RAB38: variants seen among roughly 807,000 people sequenced by gnomAD.
RAB38 encodes ras-related protein Rab-38.
RAB38 carries 15 observed loss-of-function variants against 18.4 expected under a neutral mutation model. The observed-to-expected ratio is 0.82, with a 90% CI of 0.55 to 1.26. The LOEUF (loss-of-function observed/expected upper bound fraction) is 1.26. RAB38 is among the 50% of genes most tolerant of loss of function. RAB38 has a pLI of 0.00. For synonymous variants in RAB38, 101 were observed against 104.4 expected, an observed-to-expected ratio of 0.97 and a Z score of 0.20; for missense variants, 294 against 267.4, an observed-to-expected ratio of 1.10 and a Z score of -0.69.
intron 2 of RAB38, among the ~76,000 whole-genome samples, chr11:88,139,161 A>C (rs1426246446): frequency 6.6e-6 from 1 of 152,176 alleles, no homozygotes; most frequent in African/African-American, 2.4e-5. Flanking sequence ...GTAACTCTGC[A>C]GTAACAACAT....
chr11:88,110,769 G>A (rs1289262957), downstream of RAB38, among the ~76,000 whole-genome samples: 2 of 147,982 alleles, frequency 1.4e-5, no homozygotes, highest in African/African-American at 5.0e-5. Context: ...GTGAGCTATC[G>A]CACCACTGCA....
chr11:88,021,600 A>G, the RAB38 span, among the ~76,000 whole-genome samples: 1 of 148,460 alleles, frequency 6.7e-6, no homozygotes, highest in South Asian at 2.2e-4. Context: ...TTATTTATTT[A>G]TTTATTTTGA....
chr11:88,142,073 G>A (rs1942922257), intron 2 of RAB38, among the ~76,000 whole-genome samples: 1 of 151,852 alleles, frequency 6.6e-6, no homozygotes, highest in East Asian at 1.9e-4. Context: ...CTGAGTGACT[G>A]CATCCTTCTG....
chr11:88,070,603 G>T, the RAB38 span, among the ~76,000 whole-genome samples: 1 of 152,202 alleles, frequency 6.6e-6, no homozygotes, highest in South Asian at 2.1e-4. Context: ...ATGTGAGAAA[G>T]AGAAAATGCT....
At chr11:87,941,640 T>A in the RAB38 span, among the ~76,000 whole-genome samples, 1 of 152,144 alleles carries the variant, frequency 6.6e-6, no homozygotes, top group African/African-American at 2.4e-5. Context: ...AAGAAAGGCA[T>A]GGACACTTCT....
the RAB38 span, among the ~76,000 whole-genome samples, chr11:87,922,782 TAAGAA>T: frequency 6.8e-6 from 1 of 147,274 alleles, no homozygotes; most frequent in Non-Finnish European, 1.5e-5. Flanking sequence ...ATAAAATAAA[TAAGAA>T]AGGAGGAAAG....
At chr11:88,027,150 T>C in the RAB38 span, among the ~76,000 whole-genome samples, 1 of 152,216 alleles carries the variant, frequency 6.6e-6, no homozygotes, top group Non-Finnish European at 1.5e-5. Context: ...TTTCTATTTC[T>C]AGTTTTCTGA....
chr11:87,971,683 C>T, the RAB38 span, among the ~76,000 whole-genome samples: 20 of 152,212 alleles, frequency 1.3e-4, no homozygotes, highest in African/African-American at 4.8e-4. Flanking sequence ...TAGACAGAGG[C>T]ATAACCAGGT....
the RAB38 span, among the ~76,000 whole-genome samples, chr11:88,033,725 C>T: frequency 1.1e-4 from 11 of 101,116 alleles, no homozygotes; most frequent in South Asian, 3.8e-4. Context: ...GTTGTGTTGC[C>T]TTTTTTTTTT....
the RAB38 span, among the ~76,000 whole-genome samples, chr11:87,910,413 T>A: frequency 6.6e-6 from 1 of 152,092 alleles, no homozygotes; most frequent in African/African-American, 2.4e-5. Flanking sequence ...CTGCCTTTTT[T>A]TTCATTCTTT....
chr11:88,096,698 A>G, the RAB38 span, among the ~76,000 whole-genome samples: 1 of 151,996 alleles, frequency 6.6e-6, no homozygotes, highest in Non-Finnish European at 1.5e-5. Context: ...AAGGAAATAA[A>G]GCAAGCAAGA....
intron 1 of RAB38, among the ~76,000 whole-genome samples, chr11:88,161,177 G>A (rs904649418): frequency 3.3e-5 from 5 of 151,880 alleles, no homozygotes; most frequent in Admixed American, 6.6e-5. Flanking sequence ...AACTCTTGTC[G>A]CTTCCTTCAA....
the RAB38 span, among the ~76,000 whole-genome samples, chr11:87,890,812 T>C: frequency 1.3e-5 from 2 of 151,928 alleles, no homozygotes; most frequent in Non-Finnish European, 2.9e-5. Context: ...ATGAATTCAT[T>C]CACTTACTGA....
chr11:88,115,755 A>G (rs1470345736), intron 2 of RAB38: 1 of 152,208 alleles, frequency 6.6e-6, no homozygotes, highest in Non-Finnish European at 1.5e-5. Flanking sequence ...CTTACCTAAT[A>G]AAAATTTGCT....
At chr11:88,109,939 C>T (rs554372140), downstream of RAB38, among the ~76,000 whole-genome samples, 2 of 152,290 alleles carry the variant, frequency 1.3e-5, no homozygotes, top group South Asian at 4.1e-4. Flanking sequence ...ATTAGTTCAA[C>T]CATTGTGGAC....
chr11:87,823,911 C>T, the RAB38 span, among the ~76,000 whole-genome samples: 1 of 152,126 alleles, frequency 6.6e-6, no homozygotes, highest in Non-Finnish European at 1.5e-5. Flanking sequence ...AAAGCTAGTA[C>T]ACAATGTCTG....
the RAB38 span, among the ~76,000 whole-genome samples, chr11:88,075,517 G>C: frequency 6.6e-6 from 1 of 152,132 alleles, no homozygotes; most frequent in African/African-American, 2.4e-5. Flanking sequence ...ACGTACCAAG[G>C]TCTTTGGGAT....
chr11:87,867,762 A>G, the RAB38 span, among the ~76,000 whole-genome samples: 3 of 151,684 alleles, frequency 2.0e-5, no homozygotes, highest in Admixed American at 2.0e-4. Context: ...TAAATGTATC[A>G]ATTAATTGAA....
chr11:87,879,417 T>C, the RAB38 span: 1 of 151,630 alleles, frequency 6.6e-6, no homozygotes, highest in Non-Finnish European at 1.5e-5. Context: ...GACTTTTTTT[T>C]TTCAGTTGGG....
Sources: gnomAD v4.1 joint callset for allele counts (sites outside exome capture counted in the v4.1 genomes callset) on GRCh38, gnomAD v4.1.1 for gene constraint, MANE v1.5 for transcripts, NCBI Gene and HGNC (gene_info 2026-07-23, HGNC 2026-07-21) for gene names.